The following DNAJA4 variants were observed in gnomAD, a reference collection of about 807,000 sequenced individuals.
DNAJA4 encodes the protein DnaJ heat shock protein family (Hsp40) member A4, also known as dnaJ homolog subfamily A member 4.
In DNAJA4, 32 loss-of-function variants were observed where a neutral mutation model predicts 39.7. That is an observed-to-expected ratio of 0.81 (90% CI 0.61 to 1.08). DNAJA4 has a LOEUF of 1.08. DNAJA4 is among the 50% of genes least tolerant of loss of function. The pLI is 0.00. For synonymous variants in DNAJA4, 184 were observed against 182.4 expected (o/e 1.01, Z -0.07); for missense variants, 439 against 505.1 (o/e 0.87, Z 1.25).
rs1053934914 is a variant in DNAJA4 at position 78,267,726 on chromosome 15, C to G, written c.133-2771C>G. On this transcript the variant is annotated intron_variant, in intron 1 of 6. Transcript: ENST00000394852. ...CCTACCAAGTACACATTATCCTAAC[C>G]ACTCTGTGCTTCTTTCCAAGCTTTC... Among the ~76,000 whole-genome samples the G allele has an allele frequency of 2.5e-4, 38 of 152,182 alleles. 1 individual carries two copies. The highest frequency in any genetic ancestry group is 3.3e-4 in the Admixed American group (5 of 15,282).
chr15:78,268,325 G>C (rs1386796307), intron 1 of DNAJA4, among the ~76,000 whole-genome samples: 2 of 152,204 alleles, frequency 1.3e-5, no homozygotes, highest in Non-Finnish European at 2.9e-5. Flanking sequence ...GAAAGGGATA[G>C]TAGTGAATGG....
chr15:78,271,795 G>A (rs1475724687), intron 2 of DNAJA4, among the ~76,000 whole-genome samples: 1 of 152,160 alleles, frequency 6.6e-6, no homozygotes, highest in East Asian at 1.9e-4. Flanking sequence ...TTTGGATCTT[G>A]AAACCAGAAA....
rs2049067894 is a variant in DNAJA4 at position 78,264,671 on chromosome 15, G to A, written c.-93G>A. On this transcript the variant is annotated 5_prime_UTR_variant, in exon 1 of 7. Transcript: ENST00000394852. Reference sequence around the variant, plus strand: ...CGTGACCGTGACGCGCGAGCGGGCGGCGGGGGCGCGGGCCAGGGGCGCGGG... The same window carrying A: ...CGTGACCGTGACGCGCGAGCGGGCGACGGGGGCGCGGGCCAGGGGCGCGGG... 2.0e-6 allele frequency: 2 copies of A among 1,022,232 alleles called. No homozygotes were observed. Among genetic ancestry groups the A allele is most frequent in the Non-Finnish European group, 2.3e-6 (2 of 852,532 alleles). 63.3% of individuals were successfully genotyped at this position (1,022,232 alleles called of 1,614,324 possible).
intron 4 of DNAJA4, 175 bp downstream of exon 4, chr15:78,274,599 A>G (rs2049395128): frequency 1.6e-6 from 1 of 636,812 alleles, no homozygotes. Context: ...CCTTATTTCC[A>G]TTCCATGTCA....
intron 5 of DNAJA4, chr15:78,277,791 G>A (rs937800944): frequency 2.9e-6 from 1 of 345,436 alleles, no homozygotes; most frequent in Non-Finnish European, 5.6e-6. Flanking sequence ...TGAGGGTGGT[G>A]GAGAAAGAGC....
Position 78,274,267 on chromosome 15 carries a change from C to CCAGCAGATCGGGCCGGGCATGGTA in DNAJA4, c.499_522dup (p.Gly167_Ile174dup). 6.2e-7 allele frequency: 1 copy of CCAGCAGATCGGGCCGGGCATGGTA among 1,614,166 alleles called. No homozygotes were observed. The highest frequency in any genetic ancestry group is 8.5e-7 in the Non-Finnish European group (1 of 1,180,044). On this transcript the variant is annotated inframe_insertion, in exon 4 of 7. Coordinates refer to ENST00000394852, the MANE Select transcript of DNAJA4 (RefSeq NM_001130182.2). ...AGGGGCGGGGGATGCAGATCCACAT[C>CCAGCAGATCGGGCCGGGCATGGTA]CAGCAGATCGGGCCGGGCATGGTAC...
Position 78,264,739 on chromosome 15 carries a change from C to T in DNAJA4, c.-25C>T, listed in dbSNP as rs1337017777. Reference sequence around the variant, plus strand: ...GCGTCCGGGGCGCTCTGACCGGCCTCGCCCGCCCCCCCCGCAGACACAAGA... The same window carrying T: ...GCGTCCGGGGCGCTCTGACCGGCCTTGCCCGCCCCCCCCGCAGACACAAGA... On this transcript the variant is annotated 5_prime_UTR_variant, in exon 1 of 7. Transcript: ENST00000394852. The T allele has an allele frequency of 5.8e-6, 8 of 1,383,174 alleles. No individual in the cohort carries two copies. Among genetic ancestry groups the T allele is most frequent in the Non-Finnish European group, 6.6e-6 (7 of 1,066,836 alleles). The allele number at this position is 1,383,174 out of a possible 1,614,324, so 85.7% of individuals were successfully genotyped here. A position where few individuals can be genotyped will look rare whatever the true frequency, so the allele number is the denominator to read the frequency against.
rs1428122083 is a variant in DNAJA4, at chr15:78,270,488, C to T, written c.133-9C>T. The T allele has an allele frequency of 1.2e-6, 2 of 1,603,720 alleles. No individual in the cohort carries two copies. The highest frequency in any genetic ancestry group is 8.5e-7 in the Non-Finnish European group (1 of 1,175,938). On this transcript the variant is annotated splice_polypyrimidine_tract_variant and intron_variant, in intron 1 of 6. Coordinates refer to ENST00000394852, the MANE Select transcript of DNAJA4 (RefSeq NM_001130182.2). ...TCTCTAAAAATCTCTCTCTCTCTCT[C>T]TTTTAAAGTTTAAACTCATATCCCA...
Position 78,280,428 on chromosome 15 carries a change from C to A in DNAJA4, c.1162C>A (p.Pro388Thr), listed in dbSNP as rs1232030756. Residue 388 changes from proline to threonine, a missense_variant, in exon 7 of 7, where the codon CCC becomes ACC. Coordinates refer to ENST00000394852, the MANE Select transcript of DNAJA4 (RefSeq NM_001130182.2). ...GGCCTACGAGGAGGACGAAGACGGG[C>A]CCCAGGCTGGAGTGCAGTGCCAGAC... ...REAYEEDEDG[P>T]QAGVQCQTA 7 of 1,613,046 alleles carry A rather than the reference C, an allele frequency of 4.3e-6. No homozygotes were observed. Among genetic ancestry groups the A allele is most frequent in the Non-Finnish European group, 5.9e-6 (7 of 1,179,768 alleles).
Position 78,264,830 on chromosome 15 carries a change from A to G in DNAJA4, c.67A>G (p.Lys23Glu), listed in dbSNP as rs1345220664. 4.8e-5 allele frequency: 78 copies of G among 1,610,114 alleles called. No homozygotes were observed. The highest frequency in any genetic ancestry group is 6.5e-5 in the Non-Finnish European group (77 of 1,178,300). ...VKPSASPEEIKKAYRKLALKY... is the reference protein window; with the variant it reads ...VKPSASPEEIEKAYRKLALKY... The stretch of plus-strand genomic sequence containing the variant: ...GCCCAGCGCGTCCCCGGAGGAGATC[A>G]AGAAGGCCTATCGGAAGCTGGCGCT... Residue 23 changes from lysine (K) to glutamate (E), a missense_variant, in exon 1 of 7, where the codon AAG (lysine) becomes GAG (glutamate). Coordinates refer to ENST00000394852, the MANE Select transcript of DNAJA4 (RefSeq NM_001130182.2).
chr15:78,266,151 T>C (rs2141425584), intron 1 of DNAJA4: 1 of 1,394,384 alleles, frequency 7.2e-7, no homozygotes, highest in Non-Finnish European at 1.0e-6. Context: ...ATCCACCTGC[T>C]CCCTACATTC....
upstream of DNAJA4, chr15:78,264,459 C>T: frequency 7.6e-7 from 1 of 1,323,356 alleles, no homozygotes; most frequent in Non-Finnish European, 9.6e-7. Flanking sequence ...GCGGGGCCGC[C>T]GGAACCTCCG....
At chr15:78,264,247 C>G (rs12898295), upstream of DNAJA4, 844,716 of 1,118,958 alleles carry the variant, frequency 0.75, 304,486 homozygotes, top group East Asian at 0.8. Flanking sequence ...AGGGGGCGGC[C>G]TCGGGGCGGC....
chr15:78,270,756 G>A, intron 2 of DNAJA4, 79 bp downstream of exon 2: 1 of 1,495,060 alleles, frequency 6.7e-7, no homozygotes, highest in Non-Finnish European at 9.1e-7. Context: ...GATAGATCAT[G>A]CTTTAAAAGG....
upstream of DNAJA4, chr15:78,264,164 GGGCTCC>G: frequency 2.0e-6 from 1 of 499,252 alleles, no homozygotes; most frequent in Admixed American, 4.4e-5. Flanking sequence ...CTTCGGCGCA[GGGCTCC>G]GGCCAACACA....
chr15:78,279,519 G>A lies in DNAJA4; in HGVS notation c.878-526G>A, dbSNP rs570560578. 1 of 161,982 alleles carries A rather than the reference G, an allele frequency of 6.2e-6. No individual in the cohort carries two copies. The highest frequency in any genetic ancestry group is 1.7e-4 in the South Asian group (1 of 6,036). 10.0% of individuals were successfully genotyped at this position (161,982 alleles called of 1,614,324 possible). On this transcript the variant is annotated intron_variant, in intron 5 of 6. Transcript: ENST00000394852. This position sits in a 1 kb window ranked among gnomAD's most constrained non-coding sequence, Gnocchi z 4.5. ...ATGGAAGTGCATTGTGACCATGAAG[G>A]AGTCTGCCAGTGGCCAAGCCACCTA...
chr15:78,277,923 TTTTG>T (rs773549535), intron 5 of DNAJA4: 13 of 387,658 alleles, frequency 3.4e-5, no homozygotes, highest in South Asian at 7.9e-5. Flanking sequence ...GTCCTTTTTG[TTTTG>T]TTTTTGTTTT....
rs751859584 is a variant in DNAJA4, at chr15:78,275,702, G to A, written c.851G>A (p.Arg284Gln). Residue 284 changes from arginine (R) to glutamine (Q), a missense_variant, in exon 5 of 7, where the codon CGA becomes CAA. Coordinates refer to ENST00000394852, the MANE Select transcript of DNAJA4 (RefSeq NM_001130182.2). Reference sequence around the variant, plus strand: ...AAGACGATAAAAACATTGGACAATCGAATTCTTGTTATTACATCCAAAGCA... The same window carrying A: ...AAGACGATAAAAACATTGGACAATCAAATTCTTGTTATTACATCCAAAGCA... ...FKKTIKTLDN[R>Q]ILVITSKAGE... The A allele has an allele frequency of 1.9e-6, 3 of 1,611,604 alleles. No individual in the cohort carries two copies. Among genetic ancestry groups the A allele is most frequent in the Non-Finnish European group, 2.5e-6 (3 of 1,178,592 alleles).
intron 1 of DNAJA4, chr15:78,266,011 T>C (rs1015796056): frequency 1.0e-5 from 6 of 587,700 alleles, no homozygotes; most frequent in Admixed American, 3.1e-5. Context: ...TGAATGTGGC[T>C]GTCACAAGTT....
Sources: gnomAD v4.1 joint callset for allele counts (sites outside exome capture counted in the v4.1 genomes callset) on GRCh38, gnomAD v4.1.1 for gene constraint, Gnocchi (gnomAD v3.1) non-coding constraint, MANE v1.5 for transcripts, NCBI Gene and HGNC (gene_info 2026-07-23, HGNC 2026-07-21) for gene names.